The following FOXN4 variants were observed in gnomAD, a reference collection of about 807,000 sequenced individuals.
The protein encoded by FOXN4 is forkhead box protein N4.
FOXN4 carries 12 observed loss-of-function variants against 45.0 expected under a neutral mutation model. The ratio of observed to expected loss-of-function variants is 0.27; its 90% CI spans 0.17 to 0.43. The LOEUF (loss-of-function observed/expected upper bound fraction) is 0.43. FOXN4 is among the 20% of genes least tolerant of loss of function. FOXN4 has a pLI of 1.00. For synonymous variants in FOXN4, 297 were observed against 295.0 expected, an observed-to-expected ratio of 1.01 and a Z score of -0.07; for missense variants, 560 against 694.9, an observed-to-expected ratio of 0.81 and a Z score of 2.18.
chr12:109,282,617 A>G (rs1365181513), intron 8 of FOXN4, among the ~76,000 whole-genome samples: 2 of 152,340 alleles, frequency 1.3e-5, no homozygotes, highest in East Asian at 1.9e-4. Flanking sequence ...GACAAAATGT[A>G]TTAACATGCA....
At chr12:109,304,507 C>T (rs1023855308) in intron 2 of FOXN4, among the ~76,000 whole-genome samples, 4 of 152,184 alleles carry the variant, frequency 2.6e-5, no homozygotes, top group Non-Finnish European at 5.9e-5. Flanking sequence ...TTTACCGTTG[C>T]CCAAGAGGTC....
intron 2 of FOXN4, among the ~76,000 whole-genome samples, chr12:109,292,160 C>G (rs1224230143): frequency 2.6e-5 from 4 of 152,212 alleles, no homozygotes; most frequent in Non-Finnish European, 5.9e-5. Context: ...CCTCCCGGCG[C>G]CTGGTGGTGC....
chr12:109,294,430 C>A (rs563012646), intron 2 of FOXN4, among the ~76,000 whole-genome samples: 1 of 152,142 alleles, frequency 6.6e-6, no homozygotes, highest in Non-Finnish European at 1.5e-5. Context: ...TCTCCCTTCT[C>A]GGGGGTTTGC....
Position 109,290,401 on chromosome 12 carries a change from C to T in FOXN4, c.87-115G>A. The T allele has an allele frequency of 1.5e-6, 2 of 1,315,728 alleles. No homozygotes were observed. The highest frequency in any genetic ancestry group is 1.0e-6 in the Non-Finnish European group (1 of 983,320). 81.5% of individuals were successfully genotyped at this position (1,315,728 alleles called of 1,614,324 possible). On this transcript the variant is annotated intron_variant, in intron 2 of 9. Transcript: ENST00000299162. The surrounding 1 kb of genome is among the most constrained non-coding windows in gnomAD (Gnocchi z 5.1). The stretch of plus-strand genomic sequence containing the variant: ...TGTGCCTCATCTCCCCAAGCCACGC[C>T]AGCCCTCCAACCTGCCCGTCCCCAG...
rs541578708 is a variant in FOXN4 at position 109,299,338 on chromosome 12, G to A, written c.86+8898C>T. ...ACACACACGCACGCATGCACACTAC[G>A]CACACGGATGCACACATGTGTGCAC... On this transcript the variant is annotated intron_variant, in intron 2 of 9. Transcript: ENST00000299162. 1.4e-4 allele frequency among the ~76,000 whole-genome samples: 21 copies of A among 151,782 alleles called. No individual in the cohort carries two copies. In the South Asian group the frequency reaches 3.7e-3, roughly 27 times the overall value.
rs2047637681 is a variant in FOXN4 at position 109,280,032 on chromosome 12, A to G, written c.1295-102T>C. ...GAGGCAGAGACCATGTGTGGTGTCT[A>G]AGTCATGTGTTGTAGAAAAAGGGCA... is the stretch of plus-strand genomic sequence containing the variant. On this transcript the variant is annotated intron_variant, in intron 9 of 9. Transcript: ENST00000299162. The G allele has an allele frequency of 4.7e-6, 7 of 1,500,824 alleles. No individual in the cohort carries two copies. The Middle Eastern group carries it at 1.2e-3, about 260-fold the overall frequency. The allele number at this position is 1,500,824 out of a possible 1,614,324, so 93.0% of individuals were successfully genotyped here.
chr12:109,298,432 G>C (rs537171836), intron 2 of FOXN4, among the ~76,000 whole-genome samples: 31 of 151,532 alleles, frequency 2.0e-4, no homozygotes, highest in Admixed American at 1.1e-3. Context: ...CATGATCTCG[G>C]CTCACTGCAA....
At position 109,279,595 on chromosome 12, in the gene FOXN4, T is replaced by C. The variant is rs900044219; in HGVS notation, c.*76A>G. On this transcript the variant is annotated 3_prime_UTR_variant, in exon 10 of 10. Coordinates refer to ENST00000299162, the MANE Select transcript of FOXN4 (RefSeq NM_213596.3). The stretch of plus-strand genomic sequence containing the variant: ...TTCGGGGACAATGAGGGACCTGCCT[T>C]CTGGGAACACCCTGTTCTAGTCAGT... 1.2e-5 allele frequency: 19 copies of C among 1,532,166 alleles called. 1 individual carries two copies. The African/African-American group carries it at 2.6e-4, about 21-fold the overall frequency. 94.9% of individuals were successfully genotyped at this position (1,532,166 alleles called of 1,614,324 possible).
rs558593151 is a variant in FOXN4 at position 109,290,003 on chromosome 12, CA to C, written c.232+137del. 9.2e-5 allele frequency: 97 copies of C among 1,058,426 alleles called. No individual in the cohort carries two copies. The South Asian group carries it at 1.8e-3, about 20-fold the overall frequency. 65.6% of individuals were successfully genotyped at this position (1,058,426 alleles called of 1,614,324 possible). A position where few individuals can be genotyped will look rare whatever the true frequency, so the allele number is the denominator to read the frequency against. On this transcript the variant is annotated intron_variant, in intron 3 of 9. Coordinates refer to ENST00000299162, the MANE Select transcript of FOXN4 (RefSeq NM_213596.3). The surrounding 1 kb of genome is among the most constrained non-coding windows in gnomAD (Gnocchi z 5.1). ...TCTCTAAGGAAGGGAGCATTTGTCCCATTTTACAGATGCAGAAAGAGAGGCC... is the reference window on the plus strand; with the variant it reads ...TCTCTAAGGAAGGGAGCATTTGTCCCTTTTACAGATGCAGAAAGAGAGGCC...
At chr12:109,286,533 T>C (rs1348603389) in intron 7 of FOXN4, 115 bp downstream of exon 7, 6 of 946,068 alleles carry the variant, frequency 6.3e-6, no homozygotes, top group African/African-American at 1.6e-5. Context: ...AACCACCAGA[T>C]GTACAGACAT....
chr12:109,283,816 T>C (rs2047675972), intron 8 of FOXN4, among the ~76,000 whole-genome samples: 1 of 152,266 alleles, frequency 6.6e-6, no homozygotes. Context: ...AAAATATTTC[T>C]CATTTCTAAT....
Position 109,308,227 on chromosome 12 carries a change from A to T in FOXN4, c.86+9T>A, listed in dbSNP as rs1351712226. The T allele has an allele frequency of 6.5e-7, 1 of 1,542,364 alleles. No homozygotes were observed. Among genetic ancestry groups the T allele is most frequent in the Non-Finnish European group, 8.8e-7 (1 of 1,141,404 alleles). On this transcript the variant is annotated intron_variant, in intron 2 of 9. Transcript: ENST00000299162. The stretch of plus-strand genomic sequence containing the variant: ...AAAATATATAGTTTGTTATTGTTGG[A>T]GCCCTCACCTGTATTCCTGTGGAGA...
In FOXN4 at chr12:109,279,968, C is replaced by T. The variant is rs762466618; in HGVS notation, c.1295-38G>A. ...AAAGCATTAGGGTGAGCTGGCTTCC[C>T]ATCAAATGACCTGAGTTCGAATCCC... On this transcript the variant is annotated intron_variant, in intron 9 of 9. Coordinates refer to ENST00000299162, the MANE Select transcript of FOXN4 (RefSeq NM_213596.3). 20 of 1,609,350 alleles carry T rather than the reference C, an allele frequency of 1.2e-5. 1 individual carries two copies. The South Asian group carries it at 2.1e-4, about 17-fold the overall frequency.
In FOXN4 at chr12:109,287,246, A is replaced by ACAAGT; in HGVS notation, c.596+146_596+150dup. ...GACCCTATGATGCGCCTTCCTGAGA[A>ACAAGT]CAAGTCCCACCTGGGGGTTCCCCAC... On this transcript the variant is annotated intron_variant, in intron 6 of 9. Coordinates refer to ENST00000299162, the MANE Select transcript of FOXN4 (RefSeq NM_213596.3). The surrounding 1 kb of genome is among the most constrained non-coding windows in gnomAD (Gnocchi z 4.1). The ACAAGT allele has an allele frequency of 9.2e-7, 1 of 1,083,906 alleles. No individual in the cohort carries two copies. Among genetic ancestry groups the ACAAGT allele is most frequent in the Non-Finnish European group, 1.3e-6 (1 of 762,924 alleles). The allele number at this position is 1,083,906 out of a possible 1,614,324, so 67.1% of individuals were successfully genotyped here. A position where few individuals can be genotyped will look rare whatever the true frequency, so the allele number is the denominator to read the frequency against.
intron 9 of FOXN4, among the ~76,000 whole-genome samples, chr12:109,280,891 G>C (rs1417174524): frequency 6.6e-6 from 1 of 152,232 alleles, no homozygotes; most frequent in Non-Finnish European, 1.5e-5. Flanking sequence ...CTGGCATGGG[G>C]CTGGCACATG....
At position 109,287,330 on chromosome 12, in the gene FOXN4, G is replaced by A; in HGVS notation, c.596+67C>T. On this transcript the variant is annotated intron_variant, in intron 6 of 9. Coordinates refer to ENST00000299162, the MANE Select transcript of FOXN4 (RefSeq NM_213596.3). This position sits in a 1 kb window ranked among gnomAD's most constrained non-coding sequence, Gnocchi z 4.1. ...CCACACTAGCTGTCTGAGATGCCCT[G>A]AGGGCAGCCTCATCCCTCTCTCCCG... is the stretch of plus-strand genomic sequence containing the variant. The A allele has an allele frequency of 1.3e-6, 2 of 1,539,358 alleles. No homozygotes were observed. The highest frequency in any genetic ancestry group is 1.2e-5 in the South Asian group (1 of 83,346).
Position 109,290,114 on chromosome 12 carries a change from C to A in FOXN4, c.232+27G>T. ...CACCCCTCTCCTATATCACCCTCCTCCCTGCCTACCTTGTCCCTGAGCCTA... is the reference window on the plus strand; with the variant it reads ...CACCCCTCTCCTATATCACCCTCCTACCTGCCTACCTTGTCCCTGAGCCTA... On this transcript the variant is annotated intron_variant, in intron 3 of 9. Transcript: ENST00000299162. The surrounding 1 kb of genome is among the most constrained non-coding windows in gnomAD (Gnocchi z 5.1). 1 of 1,523,166 alleles carries A rather than the reference C, an allele frequency of 6.6e-7. No homozygotes were observed. The highest frequency in any genetic ancestry group is 8.8e-7 in the Non-Finnish European group (1 of 1,130,928). 94.4% of individuals were successfully genotyped at this position (1,523,166 alleles called of 1,614,324 possible).
intron 2 of FOXN4, among the ~76,000 whole-genome samples, chr12:109,292,930 T>C (rs1277572327): frequency 6.6e-6 from 1 of 152,134 alleles, no homozygotes. Context: ...GCTGAGTCAA[T>C]GGCACTATCC....
At position 109,285,867 on chromosome 12, in the gene FOXN4, C is replaced by CTT. The variant is rs10685255; in HGVS notation, c.694-358_694-357dup. ...ATCGAGTGTATTCAATGCAAATTTA[C>CTT]TTTTTTTTTTTTTTTTGTGACAGGG... On this transcript the variant is annotated intron_variant, in intron 7 of 9. Coordinates refer to ENST00000299162, the MANE Select transcript of FOXN4 (RefSeq NM_213596.3). Among the ~76,000 whole-genome samples the CTT allele has an allele frequency of 1.1e-3, 154 of 140,786 alleles. 2 individuals are homozygous for CTT. Among genetic ancestry groups the CTT allele is most frequent in the South Asian group, 2.3e-3 (10 of 4,340 alleles). The allele number at this position is 140,786 out of a possible 152,430, so 92.4% of individuals were successfully genotyped here.
Sources: gnomAD v4.1 joint callset for allele counts (sites outside exome capture counted in the v4.1 genomes callset) on GRCh38, gnomAD v4.1.1 for gene constraint, Gnocchi (gnomAD v3.1) non-coding constraint, MANE v1.5 for transcripts, NCBI Gene and HGNC (gene_info 2026-07-23, HGNC 2026-07-21) for gene names.